EDNRB: variants seen among roughly 807,000 people sequenced by gnomAD.
The protein encoded by EDNRB is Hirschsprung disease 2.
Under a neutral mutation model 46.4 loss-of-function variants are expected in EDNRB, and 18 were observed. That is an observed-to-expected ratio of 0.39 (90% confidence interval 0.27 to 0.57). The LOEUF (loss-of-function observed/expected upper bound fraction) is 0.57, where lower values mean the gene tolerates loss of function less well. Ranked by LOEUF, EDNRB falls within the 20% of genes least tolerant of loss-of-function variation. The probability of loss-of-function intolerance (pLI) is 0.61; values close to 1 mark genes in which losing one functional copy is unlikely to be tolerated. For missense variants in EDNRB, 434 were observed against 537.5 expected, an observed-to-expected ratio of 0.81 and a Z score of 1.90; for synonymous variants, 213 against 204.9, an observed-to-expected ratio of 1.04 and a Z score of -0.34.
At chr13:77,919,646 C>A, upstream of EDNRB, 1 of 1,560,902 alleles carries the variant, frequency 6.4e-7, no homozygotes, top group South Asian at 1.2e-5. Context: ...CCGCCAGACT[C>A]CTCCCGCGCC....
At position 77,918,267 on chromosome 13, in the gene EDNRB, T is replaced by C. The variant is rs894919134; in HGVS notation, c.307A>G (p.Ile103Val). Residue 103 changes from isoleucine to valine, a missense_variant, in exon 1 of 7, where the codon ATC (isoleucine) becomes GTC (valine). Ile to Val is a conservative substitution (Grantham distance 29, BLOSUM62 3). Coordinates refer to ENST00000646607, the MANE Select transcript of EDNRB (RefSeq NM_001122659.3). This position sits in a 1 kb window ranked among gnomAD's most constrained non-coding sequence, Gnocchi z 4.5. ...PIEIKETFKYINTVVSCLVFV... is the reference protein window; with the variant it reads ...PIEIKETFKYVNTVVSCLVFV... ...ACAAGGCAGGACACAACCGTGTTGA[T>C]GTATTTGAAAGTCTCCTTGATCTCG... is the stretch of plus-strand genomic sequence containing the variant. The C allele has an allele frequency of 2.7e-5, 44 of 1,613,952 alleles. No homozygotes were observed. Among genetic ancestry groups the C allele is most frequent in the Non-Finnish European group, 3.7e-5 (44 of 1,180,008 alleles).
chr13:77,918,544 G>C lies in EDNRB; in HGVS notation c.30C>G (p.Arg10=). The C allele has an allele frequency of 6.3e-7, 1 of 1,596,130 alleles. No individual in the cohort carries two copies. The highest frequency in any genetic ancestry group is 8.5e-7 in the Non-Finnish European group (1 of 1,173,974). Reference sequence around the variant, plus strand: ...AGGCAAGAACCAGCGCAACCAGGGCGCGTCCGCACAGACTTGGAGGCGGCT... The same window carrying C: ...AGGCAAGAACCAGCGCAACCAGGGCCCGTCCGCACAGACTTGGAGGCGGCT... The part of the protein sequence containing the change: MQPPPSLCG[R]ALVALVLACG... The change falls in exon 1 of 7, where the codon CGC becomes CGG. Residue 10 remains arginine (R), a synonymous_variant. Transcript: ENST00000646607. The surrounding 1 kb of genome is among the most constrained non-coding windows in gnomAD (Gnocchi z 4.5).
At chr13:77,974,219 A>G (rs1256798781) in intron 1 of EDNRB, among the ~76,000 whole-genome samples, 2 of 152,074 alleles carry the variant, frequency 1.3e-5, no homozygotes, top group Non-Finnish European at 2.9e-5. Flanking sequence ...TTTTTGAGTT[A>G]GTAAGCTACT....
At chr13:77,972,442 A>C (rs952035750) in intron 1 of EDNRB, among the ~76,000 whole-genome samples, 9 of 152,210 alleles carry the variant, frequency 5.9e-5, no homozygotes, top group African/African-American at 2.2e-4. Flanking sequence ...AGGAAATTAT[A>C]AAAACCAGTC....
intron 1 of EDNRB, among the ~76,000 whole-genome samples, chr13:77,974,039 A>G (rs1332597833): frequency 1.3e-5 from 2 of 152,026 alleles, no homozygotes; most frequent in Non-Finnish European, 2.9e-5. Context: ...AGTTAGTATA[A>G]AACATGTTAC....
At chr13:77,902,351 C>T (rs543289736) in intron 3 of EDNRB, among the ~76,000 whole-genome samples, 1 of 151,916 alleles carries the variant, frequency 6.6e-6, no homozygotes, top group Non-Finnish European at 1.5e-5. Context: ...TTCAGCTTCC[C>T]TGTTCTTTGT....
intron 1 of EDNRB, among the ~76,000 whole-genome samples, chr13:77,960,839 G>A (rs557063108): frequency 4.4e-5 from 6 of 137,766 alleles, no homozygotes; most frequent in African/African-American, 1.6e-4. Context: ...AAGGGATGGA[G>A]GAAAATCTAC....
At chr13:77,936,718 G>T (rs969594561) in intron 1 of EDNRB, among the ~76,000 whole-genome samples, 1 of 152,234 alleles carries the variant, frequency 6.6e-6, no homozygotes, top group Non-Finnish European at 1.5e-5. Flanking sequence ...GATGGGACAT[G>T]GCTTAGGAGG....
chr13:77,941,147 G>A (rs1382236644), intron 1 of EDNRB, among the ~76,000 whole-genome samples: 1 of 152,172 alleles, frequency 6.6e-6, no homozygotes, highest in African/African-American at 2.4e-5. Context: ...CAATTAATTT[G>A]TACAGGGAGT....
At position 77,896,462 on chromosome 13, in the gene EDNRB, T is replaced by C. The variant is rs200248884; in HGVS notation, c.*1738A>G. 6.4e-7 allele frequency: 1 copy of C among 1,573,030 alleles called. No homozygotes were observed. The highest frequency in any genetic ancestry group is 8.6e-7 in the Non-Finnish European group (1 of 1,157,280). On this transcript the variant is annotated 3_prime_UTR_variant, in exon 7 of 7. Transcript: ENST00000646607. ...GTGAATTAATTATTATTGCTCTTTC[T>C]TTCTGGCCACATTGTTGGGTTTTGG...
chr13:77,911,928 A>G (rs1879591668), intron 1 of EDNRB, among the ~76,000 whole-genome samples: 1 of 152,090 alleles, frequency 6.6e-6, no homozygotes, highest in African/African-American at 2.4e-5. Flanking sequence ...TTACATCTTG[A>G]ATCTTATTTC....
chr13:77,914,415 A>G (rs1879714563), intron 1 of EDNRB, among the ~76,000 whole-genome samples: 1 of 152,248 alleles, frequency 6.6e-6, no homozygotes, highest in Non-Finnish European at 1.5e-5. Context: ...ATTTTAATGT[A>G]TGTACATGTA....
chr13:77,937,492 G>T (rs1295134214), intron 1 of EDNRB, among the ~76,000 whole-genome samples: 2 of 152,188 alleles, frequency 1.3e-5, no homozygotes, highest in African/African-American at 4.8e-5. Flanking sequence ...TGGAATTCCT[G>T]TATATATTTA....
At chr13:77,940,340 C>A (rs1169035914) in intron 1 of EDNRB, among the ~76,000 whole-genome samples, 1 of 134,624 alleles carries the variant, frequency 7.4e-6, no homozygotes, top group Non-Finnish European at 1.7e-5. Context: ...TTTTTTTTTT[C>A]ATAGAGAAGG....
rs1049778849 is a variant in EDNRB at position 77,897,682 on chromosome 13, GCT to G, written c.*516_*517del. 30 of 986,742 alleles carry G rather than the reference GCT, an allele frequency of 3.0e-5. No homozygotes were observed. In the African/African-American group the frequency reaches 4.4e-4, roughly 14 times the overall value. The allele number at this position is 986,742 out of a possible 1,614,324, so 61.1% of individuals were successfully genotyped here. On this transcript the variant is annotated 3_prime_UTR_variant, in exon 7 of 7. Coordinates refer to ENST00000646607, the MANE Select transcript of EDNRB (RefSeq NM_001122659.3). ...GTCCGAAAAATGCAACAACTAAACT[GCT>G]CTCTCATTTGCATCTAATTACAATC...
exon 1 of EDNRB, chr13:77,975,468 T>C (rs1048968932): frequency 1.3e-5 from 2 of 152,380 alleles, no homozygotes; most frequent in Non-Finnish European, 2.9e-5. Context: ...GGCAAATGCC[T>C]ACCTGGGAGT....
At chr13:77,902,103 C>T (rs951158122) in intron 3 of EDNRB, among the ~76,000 whole-genome samples, 7 of 151,806 alleles carry the variant, frequency 4.6e-5, no homozygotes, top group African/African-American at 1.7e-4. Context: ...AATAAATGAC[C>T]AGGATGAAAA....
At chr13:77,972,956 G>T (rs184564928) in intron 1 of EDNRB, among the ~76,000 whole-genome samples, 8 of 152,102 alleles carry the variant, frequency 5.3e-5, no homozygotes, top group Admixed American at 5.2e-4. Flanking sequence ...CACAAAGTAG[G>T]GTCCTTCCCA....
upstream of EDNRB, chr13:77,919,837 C>T (rs1057109837): frequency 5.7e-6 from 3 of 528,966 alleles, no homozygotes; most frequent in Non-Finnish European, 1.0e-5. Flanking sequence ...CCATGTGACA[C>T]CCGGCAGCTC....
Sources: allele counts gnomAD v4.1 joint callset (sites outside exome capture counted in the v4.1 genomes callset), GRCh38; gene constraint gnomAD v4.1.1; non-coding constraint Gnocchi (gnomAD v3.1); transcripts MANE v1.5; gene names NCBI Gene and HGNC (gene_info 2026-07-23, HGNC 2026-07-21).